The following TSPEAR variants were observed in gnomAD, a reference collection of about 807,000 sequenced individuals.
TSPEAR encodes thrombospondin type laminin G domain and EAR repeats, also known as thrombospondin-type laminin G domain and EAR repeat-containing protein.
A neutral mutation model predicts 71.6 loss-of-function variants in TSPEAR; 69 were observed. The ratio of observed to expected loss-of-function variants is 0.96; its 90% CI spans 0.79 to 1.18. The LOEUF (loss-of-function observed/expected upper bound fraction) is 1.18. Ranked by LOEUF, TSPEAR falls within the 50% of genes most tolerant of loss-of-function variation. TSPEAR has a pLI of 0.00. For synonymous variants in TSPEAR, 402 were observed against 387.2 expected, an observed-to-expected ratio of 1.04 and a Z score of -0.45; for missense variants, 971 against 894.9, an observed-to-expected ratio of 1.09 and a Z score of -1.09.
intron 1 of TSPEAR, among the ~76,000 whole-genome samples, chr21:44,633,955 A>ATAG (rs879983195): frequency 0.013 from 1,934 of 152,304 alleles, 45 homozygotes; most frequent in African/African-American, 0.044. Context: ...GATGTTAGGT[A>ATAG]CACAAATGCT....
At chr21:44,590,303 A>G (rs923999663) in intron 1 of TSPEAR, among the ~76,000 whole-genome samples, 3 of 152,242 alleles carry the variant, frequency 2.0e-5, no homozygotes, top group Non-Finnish European at 4.4e-5. Flanking sequence ...TCTGAGTGCC[A>G]GAGCGGAGGG....
intron 2 of TSPEAR, among the ~76,000 whole-genome samples, chr21:44,551,775 C>T (rs587735119): frequency 2.0e-5 from 3 of 152,150 alleles, no homozygotes; most frequent in Non-Finnish European, 4.4e-5. Context: ...AAGGTGTGGC[C>T]TCTCTGGGGC....
intron 9 of TSPEAR, among the ~76,000 whole-genome samples, chr21:44,516,923 C>G (rs1439170671): frequency 6.6e-6 from 1 of 152,202 alleles, no homozygotes; most frequent in Admixed American, 6.5e-5. Context: ...GAGAACGCTC[C>G]CAGCTCTCCC....
At chr21:44,649,831 G>A (rs1007044898) in intron 1 of TSPEAR, among the ~76,000 whole-genome samples, 6 of 152,162 alleles carry the variant, frequency 3.9e-5, no homozygotes, top group South Asian at 2.1e-4. Flanking sequence ...AAGGAACCAC[G>A]ATGAAAGACG....
Position 44,642,469 on chromosome 21 carries a change from A to G in TSPEAR, c.82+68964T>C, listed in dbSNP as rs782009673. ...ACATCATTTAAAAAAATAATGTAAG[A>G]GATTGTATGAACCTACAATAACAGA... is the stretch of plus-strand genomic sequence containing the variant. On this transcript the variant is annotated intron_variant, in intron 1 of 11. Transcript: ENST00000323084. This position sits in a 1 kb window ranked among gnomAD's most constrained non-coding sequence, Gnocchi z 4.1. Among the ~76,000 whole-genome samples the G allele has an allele frequency of 6.6e-6, 1 of 152,240 alleles. No homozygotes were observed. The highest frequency in any genetic ancestry group is 1.5e-5 in the Non-Finnish European group (1 of 68,050).
chr21:44,618,036 T>C (rs1243883079), intron 1 of TSPEAR, among the ~76,000 whole-genome samples: 1 of 152,258 alleles, frequency 6.6e-6, no homozygotes, highest in Non-Finnish European at 1.5e-5. Flanking sequence ...TGTAAGGGCC[T>C]GTCCCTCCAC....
intron 1 of TSPEAR, among the ~76,000 whole-genome samples, chr21:44,673,464 AT>A (rs1986155338): frequency 6.6e-6 from 1 of 152,212 alleles, no homozygotes; most frequent in Non-Finnish European, 1.5e-5. Flanking sequence ...ACAAGCAAAT[AT>A]TATTAGATCT....
chr21:44,632,685 C>A lies in TSPEAR; in HGVS notation c.83-64680G>T, dbSNP rs916987410. On this transcript the variant is annotated intron_variant, in intron 1 of 11. Coordinates refer to ENST00000323084, the MANE Select transcript of TSPEAR (RefSeq NM_144991.3). ...TCCATCTCTGCTAAAAATACACACA[C>A]AAAAAAAAATAGCTGAGTGTGGTGG... Among the ~76,000 whole-genome samples the A allele has an allele frequency of 9.9e-5, 15 of 151,076 alleles. No individual in the cohort carries two copies. The East Asian group carries it at 1.9e-3, about 20-fold the overall frequency.
intron 1 of TSPEAR, chr21:44,678,099 C>T (rs112120380): frequency 0.012 from 7,641 of 639,662 alleles, 62 homozygotes; most frequent in African/African-American, 0.019. Context: ...GTCGAGCGGA[C>T]GGTGCTGCTG....
chr21:44,514,117 A>C (rs782434412), intron 9 of TSPEAR, among the ~76,000 whole-genome samples: 2 of 152,250 alleles, frequency 1.3e-5, no homozygotes, highest in African/African-American at 4.8e-5. Flanking sequence ...ACCTTCCTGG[A>C]GCCCTCCCGC....
Position 44,611,998 on chromosome 21 carries a change from C to A in TSPEAR, c.83-43993G>T, listed in dbSNP as rs1186589175. 5.3e-5 allele frequency: 65 copies of A among 1,225,902 alleles called. 1 individual carries two copies. The Admixed American group carries it at 1.3e-3, about 24-fold the overall frequency. The allele number at this position is 1,225,902 out of a possible 1,614,324, so 75.9% of individuals were successfully genotyped here. A position where few individuals can be genotyped will look rare whatever the true frequency, so the allele number is the denominator to read the frequency against. ...AGGAAAGGGAAGGCTTGTGAGACTCCTGTGAGGAAAATACCCAGGGAGGGT... is the reference window on the plus strand; with the variant it reads ...AGGAAAGGGAAGGCTTGTGAGACTCATGTGAGGAAAATACCCAGGGAGGGT... On this transcript the variant is annotated intron_variant, in intron 1 of 11. Coordinates refer to ENST00000323084, the MANE Select transcript of TSPEAR (RefSeq NM_144991.3).
intron 11 of TSPEAR, 130 bp from the exon 12 acceptor site, chr21:44,500,066 C>T (rs1555910956): frequency 5.3e-6 from 5 of 943,318 alleles, no homozygotes; most frequent in Non-Finnish European, 6.1e-6. Flanking sequence ...ATCCCCCCGA[C>T]TGGCACAGCG....
chr21:44,685,039 G>A (rs1215907218), intron 1 of TSPEAR, among the ~76,000 whole-genome samples: 2 of 152,070 alleles, frequency 1.3e-5, no homozygotes, highest in Non-Finnish European at 2.9e-5. Context: ...GCCACAGATC[G>A]GCTCTGGGTC....
intron 6 of TSPEAR, among the ~76,000 whole-genome samples, chr21:44,527,800 C>T (rs2052887458): frequency 6.6e-6 from 1 of 152,198 alleles, no homozygotes. Context: ...GCAAGTTGTG[C>T]TCTCGATAAT....
At chr21:44,636,937 T>C (rs1305582835) in intron 1 of TSPEAR, among the ~76,000 whole-genome samples, 9 of 152,238 alleles carry the variant, frequency 5.9e-5, no homozygotes, top group East Asian at 1.9e-4. Context: ...AAGCGCTGTC[T>C]TCAAGCATCT....
At chr21:44,554,821 G>C (rs921420707) in intron 2 of TSPEAR, among the ~76,000 whole-genome samples, 2 of 152,124 alleles carry the variant, frequency 1.3e-5, no homozygotes, top group Admixed American at 6.5e-5. Context: ...TTGTATGTGC[G>C]GTTCTGTTTC....
intron 1 of TSPEAR, among the ~76,000 whole-genome samples, chr21:44,630,886 A>G (rs1166263650): frequency 6.6e-6 from 1 of 152,244 alleles, no homozygotes; most frequent in African/African-American, 2.4e-5. Flanking sequence ...AGTCATTACT[A>G]AAATAGTTTA....
intron 9 of TSPEAR, chr21:44,517,471 T>G: frequency 7.1e-6 from 2 of 283,550 alleles, no homozygotes; most frequent in Non-Finnish European, 1.4e-5. Context: ...TGAGCACAGG[T>G]CCAGCTAGGC....
chr21:44,501,767 C>A (rs950855332), intron 11 of TSPEAR, among the ~76,000 whole-genome samples: 9 of 151,872 alleles, frequency 5.9e-5, no homozygotes, highest in Non-Finnish European at 8.8e-5. Flanking sequence ...CCTGTCCCCC[C>A]CAAAAAATAA....
Sources: gnomAD v4.1 joint callset for allele counts (sites outside exome capture counted in the v4.1 genomes callset) on GRCh38, gnomAD v4.1.1 for gene constraint, Gnocchi (gnomAD v3.1) non-coding constraint, MANE v1.5 for transcripts, NCBI Gene and HGNC (gene_info 2026-07-23, HGNC 2026-07-21) for gene names.